PRRC1: variants seen among roughly 807,000 people sequenced by gnomAD.
The protein encoded by PRRC1 is proline rich coiled-coil 1.
In PRRC1, 39 loss-of-function variants were observed where a neutral mutation model predicts 40.7. The observed-to-expected ratio is 0.96, with a 90% confidence interval of 0.74 to 1.25. PRRC1 has a LOEUF of 1.25. Among genes scored for constraint, PRRC1 ranks in the 50% most tolerant of loss-of-function variants. PRRC1 has a pLI of 0.00. For synonymous variants in PRRC1, 175 were observed against 193.3 expected (o/e 0.91, Z 0.79); for missense variants, 573 against 548.3 (o/e 1.05, Z -0.45).
intron 5 of PRRC1, among the ~76,000 whole-genome samples, chr5:127,530,888 C>T (rs1371605794): frequency 6.6e-6 from 1 of 152,000 alleles, no homozygotes; most frequent in Non-Finnish European, 1.5e-5. Flanking sequence ...TTTTAACCAC[C>T]TCTGAACACT....
At chr5:127,523,333 G>A in intron 1 of PRRC1, 127 bp from the exon 2 acceptor site, 1 of 476,788 alleles carries the variant, frequency 2.1e-6, no homozygotes, top group South Asian at 4.8e-5. Context: ...GAAATAAGTT[G>A]CATTATAAAC....
At chr5:127,519,633 T>C (rs1317749331) in intron 1 of PRRC1, among the ~76,000 whole-genome samples, 1 of 152,218 alleles carries the variant, frequency 6.6e-6, no homozygotes, top group African/African-American at 2.4e-5. Flanking sequence ...CTCTGCAAAC[T>C]TGTCTTCCAT....
At chr5:127,541,635 C>T (rs1211962636) in intron 7 of PRRC1, among the ~76,000 whole-genome samples, 1 of 152,180 alleles carries the variant, frequency 6.6e-6, no homozygotes, top group Non-Finnish European at 1.5e-5. Flanking sequence ...TTATCCATTT[C>T]TTCTAGATTT....
At chr5:127,525,049 T>C in intron 3 of PRRC1, 129 bp downstream of exon 3, 2 of 966,104 alleles carry the variant, frequency 2.1e-6, no homozygotes, top group Non-Finnish European at 2.9e-6. Flanking sequence ...TACAGTTCCA[T>C]AGTTAGTTTA....
intron 1 of PRRC1, among the ~76,000 whole-genome samples, chr5:127,520,370 G>T (rs960710254): frequency 6.6e-6 from 1 of 152,160 alleles, no homozygotes; most frequent in African/African-American, 2.4e-5. Flanking sequence ...GGCCCAGGCT[G>T]CATACTTTGT....
chr5:127,524,999 A>T (rs1196054873), intron 3 of PRRC1, 79 bp downstream of exon 3: 2 of 1,339,064 alleles, frequency 1.5e-6, no homozygotes, highest in Admixed American at 2.4e-5. Context: ...CTTTGTTGAG[A>T]TATAATTTAT....
intron 1 of PRRC1, among the ~76,000 whole-genome samples, chr5:127,520,323 C>T (rs1005537970): frequency 1.2e-4 from 19 of 152,194 alleles, no homozygotes; most frequent in African/African-American, 4.6e-4. Flanking sequence ...CTATATCTTC[C>T]TTAATGGCCT....
At position 127,553,539 on chromosome 5, in the gene PRRC1, T is replaced by G. The variant is rs903762201; in HGVS notation, c.*1623T>G. 8.3e-7 allele frequency: 1 copy of G among 1,198,580 alleles called. No homozygotes were observed. Among genetic ancestry groups the G allele is most frequent in the African/African-American group, 1.6e-5 (1 of 62,104 alleles). The allele number at this position is 1,198,580 out of a possible 1,614,324, so 74.2% of individuals were successfully genotyped here. ...CTCTACCATTTGCGTCTACACTTTA[T>G]TTTAAAAGCTATCCTTTTCTAGTAG... On this transcript the variant is annotated 3_prime_UTR_variant, in exon 9 of 9. Transcript: ENST00000296666.
intron 5 of PRRC1, among the ~76,000 whole-genome samples, chr5:127,531,124 C>T (rs866640663): frequency 6.6e-6 from 1 of 152,192 alleles, no homozygotes; most frequent in African/African-American, 2.4e-5. Context: ...TGGTAGTTTA[C>T]TGTCTAGTAA....
In PRRC1 at chr5:127,528,076, C is replaced by A. The variant is rs186225639; in HGVS notation, c.654+1298C>A. Among the ~76,000 whole-genome samples the A allele has an allele frequency of 1.1e-3, 161 of 149,302 alleles. 1 individual carries two copies. The highest frequency in any genetic ancestry group is 4.0e-3 in the African/African-American group (155 of 38,842). ...CGTATGATTTTTAGCCATTTGTATTCTTCTTTTGTGAAATATCGGTTATGT... is the reference window on the plus strand; with the variant it reads ...CGTATGATTTTTAGCCATTTGTATTATTCTTTTGTGAAATATCGGTTATGT... On this transcript the variant is annotated intron_variant, in intron 4 of 8. Transcript: ENST00000296666.
intron 8 of PRRC1, chr5:127,549,422 G>T (rs1263135908): frequency 6.6e-6 from 1 of 152,122 alleles, no homozygotes; most frequent in East Asian, 1.9e-4. Flanking sequence ...AAGAACAGCA[G>T]AATGGTTCAA....
chr5:127,540,208 C>A (rs182550554), intron 7 of PRRC1, among the ~76,000 whole-genome samples: 12 of 152,016 alleles, frequency 7.9e-5, no homozygotes, highest in African/African-American at 2.4e-4. Context: ...ACTGAGAAAC[C>A]GTCCAGTGAT....
chr5:127,537,332 T>C (rs899478229), intron 6 of PRRC1, among the ~76,000 whole-genome samples: 1 of 151,820 alleles, frequency 6.6e-6, no homozygotes, highest in Non-Finnish European at 1.5e-5. Context: ...TGCTAAAAAA[T>C]AAAATCTCCT....
chr5:127,526,786 G>A lies in PRRC1; in HGVS notation c.654+8G>A, dbSNP rs373122921. The A allele has an allele frequency of 6.1e-5, 95 of 1,549,038 alleles. No individual in the cohort carries two copies. Among genetic ancestry groups the A allele is most frequent in the Non-Finnish European group, 6.4e-5 (73 of 1,149,596 alleles). On this transcript the variant is annotated splice_region_variant and intron_variant, in intron 4 of 8. Transcript: ENST00000296666. ...ATCTGGGGTTTTATTAAGGTAAGACGTGTTTAAAAATTATGTTTAATTTTC... is the reference window on the plus strand; with the variant it reads ...ATCTGGGGTTTTATTAAGGTAAGACATGTTTAAAAATTATGTTTAATTTTC...
intron 8 of PRRC1, chr5:127,548,279 T>A: frequency 4.5e-6 from 2 of 440,048 alleles, no homozygotes; most frequent in Non-Finnish European, 8.1e-6. Flanking sequence ...ATTTCCACTG[T>A]TATCTCCATT....
At chr5:127,521,490 C>T (rs1429153780) in intron 1 of PRRC1, among the ~76,000 whole-genome samples, 1 of 152,156 alleles carries the variant, frequency 6.6e-6, no homozygotes, top group Non-Finnish European at 1.5e-5. Context: ...AGGATAAGAA[C>T]CCCTTCCCCT....
In PRRC1 at chr5:127,552,163, A is replaced by G. The variant is rs1219616239; in HGVS notation, c.*247A>G. 22 of 1,277,920 alleles carry G rather than the reference A, an allele frequency of 1.7e-5. No homozygotes were observed. Among genetic ancestry groups the G allele is most frequent in the Admixed American group, 3.6e-5 (1 of 27,788 alleles). The allele number at this position is 1,277,920 out of a possible 1,614,324, so 79.2% of individuals were successfully genotyped here. ...CTCAAAAAAGAAAATATACAAATCT[A>G]TTTACAGCACAATTTAATATACCAG... On this transcript the variant is annotated 3_prime_UTR_variant, in exon 9 of 9. Transcript: ENST00000296666.
chr5:127,536,791 T>C (rs1325999319), intron 6 of PRRC1, among the ~76,000 whole-genome samples: 9 of 152,048 alleles, frequency 5.9e-5, no homozygotes, highest in Non-Finnish European at 1.2e-4. Flanking sequence ...TTTTCCACAA[T>C]TTTCAGTTCA....
At chr5:127,525,907 T>G (rs1393880001) in intron 3 of PRRC1, among the ~76,000 whole-genome samples, 1 of 152,174 alleles carries the variant, frequency 6.6e-6, no homozygotes, top group Admixed American at 6.5e-5. Context: ...GACTGACTGT[T>G]CCAGGGAGTA....
Sources: gnomAD v4.1 joint callset for allele counts (sites outside exome capture counted in the v4.1 genomes callset) on GRCh38, gnomAD v4.1.1 for gene constraint, MANE v1.5 for transcripts, NCBI Gene and HGNC (gene_info 2026-07-23, HGNC 2026-07-21) for gene names.